EYS: variants seen among roughly 807,000 people sequenced by gnomAD.
EYS encodes protein eyes shut homolog.
A neutral mutation model predicts 282.1 loss-of-function variants in EYS; 250 were observed. That is an observed-to-expected ratio of 0.89 (90% confidence interval 0.80 to 0.98). The LOEUF is 0.98. EYS is among the 50% of genes least tolerant of loss of function. The pLI, the probability that EYS is intolerant of heterozygous loss-of-function variation, is 0.00. For synonymous variants in EYS, 1,355 were observed against 1,282.9 expected, an observed-to-expected ratio of 1.06 and a Z score of -1.20; for missense variants, 4,016 against 3,709.0, an observed-to-expected ratio of 1.08 and a Z score of -2.15.
At chr6:65,702,953 TAAAGA>T (rs1356845275) in intron 1 of EYS, among the ~76,000 whole-genome samples, 2 of 152,056 alleles carry the variant, frequency 1.3e-5, no homozygotes, top group Admixed American at 1.3e-4. Context: ...AGACTTAGAG[TAAAGA>T]AAAGTGCCTT....
At chr6:64,355,430 G>A (rs939868345) in intron 29 of EYS, among the ~76,000 whole-genome samples, 5 of 151,516 alleles carry the variant, frequency 3.3e-5, no homozygotes, top group African/African-American at 4.8e-5. Context: ...CACATAGTTC[G>A]TAACACACAC....
At chr6:65,650,277 A>G (rs1472772091) in intron 1 of EYS, among the ~76,000 whole-genome samples, 1 of 152,158 alleles carries the variant, frequency 6.6e-6, no homozygotes, top group African/African-American at 2.4e-5. Flanking sequence ...AAGAACTCAA[A>G]CACAGCTCTT....
At chr6:64,795,032 C>T (rs1002958539) in intron 22 of EYS, among the ~76,000 whole-genome samples, 3 of 151,944 alleles carry the variant, frequency 2.0e-5, no homozygotes, top group South Asian at 2.1e-4. Context: ...GTCAGGAGCT[C>T]GAGACTAGCC....
rs1037255590 is a variant in EYS, at chr6:64,149,568, C to T, written c.6425-67566G>A. On this transcript the variant is annotated intron_variant, in intron 31 of 42. Transcript: ENST00000503581. Reference sequence around the variant, plus strand: ...GATGCCAAATAGCAGCAGCAGCTACCATTTATTTAGGGACTAACACGTGAT... The same window carrying T: ...GATGCCAAATAGCAGCAGCAGCTACTATTTATTTAGGGACTAACACGTGAT... Among the ~76,000 whole-genome samples, 5 of 152,136 alleles carry T rather than the reference C, an allele frequency of 3.3e-5. No individual in the cohort carries two copies. In the East Asian group the frequency reaches 9.6e-4, roughly 29 times the overall value.
chr6:64,862,511 T>C (rs571564231), intron 19 of EYS, among the ~76,000 whole-genome samples: 3 of 152,172 alleles, frequency 2.0e-5, no homozygotes, highest in Non-Finnish European at 4.4e-5. Context: ...CTGCTATAAT[T>C]GTTCATCTTT....
At chr6:64,626,613 A>G (rs527367631) in intron 22 of EYS, among the ~76,000 whole-genome samples, 1 of 152,318 alleles carries the variant, frequency 6.6e-6, no homozygotes, top group Non-Finnish European at 1.5e-5. Flanking sequence ...ATAAAGATTA[A>G]CATTATGCAG....
intron 30 of EYS, among the ~76,000 whole-genome samples, chr6:64,234,748 C>T (rs759047937): frequency 1.1e-4 from 16 of 152,170 alleles, no homozygotes; most frequent in Non-Finnish European, 1.9e-4. Flanking sequence ...TACATTCTGT[C>T]TGTAGATTTG....
chr6:63,974,738 T>A (rs1325826359), intron 35 of EYS, among the ~76,000 whole-genome samples: 1 of 152,068 alleles, frequency 6.6e-6, no homozygotes, highest in Non-Finnish European at 1.5e-5. Context: ...TCACATTTAA[T>A]CTTATTTGTT....
At chr6:64,066,314 A>C in intron 33 of EYS, 24 bp downstream of exon 33, 1 of 1,524,664 alleles carries the variant, frequency 6.6e-7, no homozygotes, top group South Asian at 1.3e-5. Flanking sequence ...GCACGAAAGA[A>C]CTACCGTGGA....
intron 33 of EYS, among the ~76,000 whole-genome samples, chr6:64,021,171 C>T (rs992534241): frequency 3.3e-5 from 5 of 151,846 alleles, no homozygotes; most frequent in African/African-American, 1.2e-4. Flanking sequence ...AAAAAAAAGC[C>T]TTTTCTTTAT....
At chr6:64,181,942 TTGTC>T (rs769532622) in intron 31 of EYS, among the ~76,000 whole-genome samples, 17 of 152,078 alleles carry the variant, frequency 1.1e-4, no homozygotes, top group South Asian at 2.1e-4. Flanking sequence ...AATTTAATTT[TTGTC>T]TGTCCATTTC....
chr6:64,640,747 A>G (rs925083381), intron 22 of EYS, among the ~76,000 whole-genome samples: 1 of 152,208 alleles, frequency 6.6e-6, no homozygotes, highest in Non-Finnish European at 1.5e-5. Flanking sequence ...ATTAAAATTC[A>G]TGCAAAGTAT....
chr6:65,048,704 A>T (rs920244498), intron 13 of EYS, among the ~76,000 whole-genome samples: 6 of 151,750 alleles, frequency 4.0e-5, no homozygotes, highest in African/African-American at 1.2e-4. Context: ...AGCTCTCCTG[A>T]TCTCCCTCTT....
At chr6:64,713,877 A>G (rs1286623636) in intron 22 of EYS, among the ~76,000 whole-genome samples, 1 of 152,204 alleles carries the variant, frequency 6.6e-6, no homozygotes, top group Non-Finnish European at 1.5e-5. Flanking sequence ...GCAAAGCTCC[A>G]TGAAACGAAT....
At chr6:64,717,824 CTTAT>C (rs1771447817) in intron 22 of EYS, among the ~76,000 whole-genome samples, 1 of 152,086 alleles carries the variant, frequency 6.6e-6, no homozygotes, top group African/African-American at 2.4e-5. Context: ...TGGTAGAATG[CTTAT>C]TTATTGGGCC....
At chr6:65,082,699 G>T (rs1486454240) in intron 12 of EYS, among the ~76,000 whole-genome samples, 1 of 151,978 alleles carries the variant, frequency 6.6e-6, no homozygotes, top group Non-Finnish European at 1.5e-5. Context: ...AAGGATATAT[G>T]TAATAAACAG....
At chr6:65,637,996 G>A (rs545764981) in intron 2 of EYS, among the ~76,000 whole-genome samples, 78 of 152,334 alleles carry the variant, frequency 5.1e-4, no homozygotes, top group African/African-American at 1.8e-3. Flanking sequence ...AAGCCTGGGG[G>A]CCGGGTTGTC....
At chr6:65,429,072 C>T (rs531297833) in intron 5 of EYS, among the ~76,000 whole-genome samples, 22 of 151,838 alleles carry the variant, frequency 1.4e-4, no homozygotes, top group South Asian at 8.3e-4. Context: ...CCCAGCTACT[C>T]GGGAGGCTGA....
chr6:65,618,395 G>T (rs1388531169), intron 2 of EYS, among the ~76,000 whole-genome samples: 12 of 152,168 alleles, frequency 7.9e-5, no homozygotes, highest in African/African-American at 2.4e-4. Flanking sequence ...CTTTTCGATG[G>T]GGCTGTTTGT....
Sources: allele counts gnomAD v4.1 joint callset (sites outside exome capture counted in the v4.1 genomes callset), GRCh38; gene constraint gnomAD v4.1.1; transcripts MANE v1.5; gene names NCBI Gene and HGNC (gene_info 2026-07-23, HGNC 2026-07-21).